The following FOXP1 variants were observed in gnomAD, a reference collection of about 807,000 sequenced individuals.
FOXP1 encodes the protein forkhead box P1, also known as forkhead box protein P1.
In FOXP1, 15 loss-of-function variants were observed where a neutral mutation model predicts 98.2. The ratio of observed to expected loss-of-function variants is 0.15; its 90% CI spans 0.10 to 0.24. The LOEUF (loss-of-function observed/expected upper bound fraction) is 0.24, where lower values mean the gene tolerates loss of function less well. Ranked by LOEUF, FOXP1 falls within the 10% of genes least tolerant of loss-of-function variation. The pLI is 1.00. For synonymous variants in FOXP1, 371 were observed against 314.5 expected (o/e 1.18, Z -1.90); for missense variants, 633 against 848.5 (o/e 0.75, Z 3.15).
intron 5 of FOXP1, among the ~76,000 whole-genome samples, chr3:71,234,424 C>T (rs1483236844): frequency 1.3e-5 from 2 of 152,214 alleles, no homozygotes; most frequent in Admixed American, 6.5e-5. Flanking sequence ...TGCCTTCACC[C>T]TTGCAAAAGA....
intron 14 of FOXP1, among the ~76,000 whole-genome samples, chr3:70,985,526 A>G (rs2039591125): frequency 6.6e-6 from 1 of 152,070 alleles, no homozygotes; most frequent in African/African-American, 2.4e-5. Context: ...AAAATTTTCT[A>G]TTTTCCAATA....
At position 71,397,089 on chromosome 3, in the gene FOXP1, T is replaced by C. The variant is rs2081557588; in HGVS notation, c.-167-37845A>G. On this transcript the variant is annotated intron_variant, in intron 3 of 20. Coordinates refer to ENST00000649528, the MANE Select transcript of FOXP1 (RefSeq NM_001349338.3). ...ATATATATATACATATATATGTGTA[T>C]ATATATATATACATATATATATATG... 2.3e-3 allele frequency among the ~76,000 whole-genome samples: 6 copies of C among 2,554 alleles called. 2 individuals are homozygous for C. Among genetic ancestry groups the C allele is most frequent in the South Asian group, 0.038 (2 of 52 alleles). The allele number at this position is 2,554 out of a possible 152,430, so 1.7% of individuals were successfully genotyped here.
At chr3:71,426,378 T>C (rs193215405) in intron 3 of FOXP1, among the ~76,000 whole-genome samples, 1 of 152,338 alleles carries the variant, frequency 6.6e-6, no homozygotes, top group Admixed American at 6.5e-5. Context: ...ACGTATGGTA[T>C]ATAGTCACTG....
intron 3 of FOXP1, among the ~76,000 whole-genome samples, chr3:71,427,593 A>G (rs936431606): frequency 3.3e-5 from 5 of 152,330 alleles, no homozygotes; most frequent in Admixed American, 3.3e-4. Flanking sequence ...AGGGACATAT[A>G]AAGGCAGAGT....
At chr3:71,267,124 A>AGTGTGTGTGTGTGTGT (rs1553808466) in intron 5 of FOXP1, among the ~76,000 whole-genome samples, 2 of 148,298 alleles carry the variant, frequency 1.3e-5, no homozygotes, top group Admixed American at 6.7e-5. Context: ...TATGGGAGAG[A>AGTGTGTGTGTGTGTGT]GTGTGTGTGT....
chr3:71,322,280 T>C (rs1431462020), intron 4 of FOXP1, among the ~76,000 whole-genome samples: 2 of 152,288 alleles, frequency 1.3e-5, no homozygotes, highest in East Asian at 3.9e-4. Context: ...GCTTTTAAGT[T>C]TAAATAAATT....
intron 3 of FOXP1, among the ~76,000 whole-genome samples, chr3:71,485,771 CAAA>C (rs545900035): frequency 1.4e-4 from 16 of 111,808 alleles, no homozygotes; most frequent in African/African-American, 1.1e-4. Context: ...GAGACTCCAT[CAAA>C]AAAAAAAAAA....
chr3:71,533,999 G>A (rs2044078315), intron 2 of FOXP1, among the ~76,000 whole-genome samples: 1 of 152,138 alleles, frequency 6.6e-6, no homozygotes, highest in South Asian at 2.1e-4. Flanking sequence ...CTGTATATTG[G>A]GGGACTGGTT....
chr3:70,973,260 G>A (rs1227627126), intron 17 of FOXP1, among the ~76,000 whole-genome samples: 1 of 95,084 alleles, frequency 1.1e-5, no homozygotes, highest in African/African-American at 4.5e-5. Flanking sequence ...CCCCGCCCCG[G>A]TCAAGAGATC....
chr3:71,052,428 TA>T (rs2050028946), intron 9 of FOXP1, 108 bp downstream of exon 9: 19 of 782,048 alleles, frequency 2.4e-5, no homozygotes, highest in Non-Finnish European at 4.4e-5. Context: ...TGAGAACCGA[TA>T]GAGTCAGCTC....
At chr3:71,122,651 A>AT (rs1215215917) in intron 6 of FOXP1, among the ~76,000 whole-genome samples, 2 of 152,178 alleles carry the variant, frequency 1.3e-5, no homozygotes, top group Non-Finnish European at 2.9e-5. Flanking sequence ...CTCTACACTA[A>AT]TCTCATTTCT....
intron 14 of FOXP1, among the ~76,000 whole-genome samples, chr3:70,981,585 A>AT (rs1466766326): frequency 2.0e-5 from 3 of 152,178 alleles, no homozygotes; most frequent in African/African-American, 7.2e-5. Flanking sequence ...AGAAACAGTA[A>AT]TTTTATTTCG....
chr3:71,413,344 A>C (rs1465757235), intron 3 of FOXP1, among the ~76,000 whole-genome samples: 2 of 150,668 alleles, frequency 1.3e-5, no homozygotes, highest in African/African-American at 4.9e-5. Context: ...CTTCATCCAT[A>C]TGACACAATG....
At chr3:71,047,352 G>T (rs2049164485) in intron 9 of FOXP1, among the ~76,000 whole-genome samples, 1 of 152,148 alleles carries the variant, frequency 6.6e-6, no homozygotes, top group South Asian at 2.1e-4. Context: ...CCCCCAGTTT[G>T]AAAGGTCTGA....
intron 3 of FOXP1, among the ~76,000 whole-genome samples, chr3:71,487,980 T>A (rs891637438): frequency 3.9e-5 from 6 of 152,220 alleles, no homozygotes; most frequent in African/African-American, 1.4e-4. Context: ...GATTTTTTTT[T>A]AATAAAAGTG....
chr3:71,002,176 C>A (rs531620927), intron 12 of FOXP1, among the ~76,000 whole-genome samples: 1 of 152,274 alleles, frequency 6.6e-6, no homozygotes, highest in South Asian at 2.1e-4. Context: ...TGACTAGGTA[C>A]AATTAAAGCT....
intron 4 of FOXP1, among the ~76,000 whole-genome samples, chr3:71,315,811 G>A (rs956849003): frequency 1.3e-5 from 2 of 152,248 alleles, no homozygotes; most frequent in African/African-American, 4.8e-5. Flanking sequence ...AGAAGGAGAA[G>A]TCATGAATGT....
intron 11 of FOXP1, among the ~76,000 whole-genome samples, chr3:71,034,130 C>T (rs748261032): frequency 3.4e-4 from 52 of 152,102 alleles, no homozygotes; most frequent in Non-Finnish European, 7.4e-4. Flanking sequence ...GACTTCCCTG[C>T]CAGCAAAAAG....
chr3:71,455,237 C>A (rs911347740), intron 3 of FOXP1, among the ~76,000 whole-genome samples: 2 of 152,036 alleles, frequency 1.3e-5, no homozygotes, highest in Non-Finnish European at 2.9e-5. Flanking sequence ...ACATCCCCCC[C>A]GCCGTCTGAA....
Sources: allele counts gnomAD v4.1 joint callset (sites outside exome capture counted in the v4.1 genomes callset), GRCh38; gene constraint gnomAD v4.1.1; transcripts MANE v1.5; gene names NCBI Gene and HGNC (gene_info 2026-07-23, HGNC 2026-07-21).